Variants in ULBP3 observed in about 807,000 individuals in gnomAD.
ULBP3 encodes UL16 binding protein 3, also known as UL16-binding protein 3.
A neutral mutation model predicts 24.9 loss-of-function variants in ULBP3; 25 were observed. That is an observed-to-expected ratio of 1.00 (90% CI 0.73 to 1.40). The LOEUF is 1.40. Ranked by LOEUF, ULBP3 falls within the 40% of genes most tolerant of loss-of-function variation. The probability of loss-of-function intolerance (pLI) is 0.00; values close to 1 mark genes in which losing one functional copy is unlikely to be tolerated. For missense variants in ULBP3, 306 were observed against 307.5 expected, an observed-to-expected ratio of 1.00 and a Z score of 0.04; for synonymous variants, 114 against 114.7, an observed-to-expected ratio of 0.99 and a Z score of 0.04.
At position 150,065,542 on chromosome 6, in the gene ULBP3, C is replaced by A; in HGVS notation, c.484G>T (p.Val162Phe). ...TTCATCCGCCTGGCTCCAGCGTGAA[C>A]CACTGTCCACTTTCTGTTGTTTGAG... ...FDSNNRKWTV[V>F]HAGARRMKEK... The change falls in exon 3 of 5, where the codon GTT (valine) becomes TTT (phenylalanine). Residue 162 changes from valine (V) to phenylalanine (F), a missense_variant. By Grantham distance (50) the Val-to-Phe change is conservative. Coordinates refer to ENST00000367339, the MANE Select transcript of ULBP3 (RefSeq NM_024518.3). 1 of 1,614,208 alleles carries A rather than the reference C, an allele frequency of 6.2e-7. No individual in the cohort carries two copies. Among genetic ancestry groups the A allele is most frequent in the African/African-American group, 1.3e-5 (1 of 75,052 alleles).
At chr6:150,063,539 A>G (rs936179733) in intron 4 of ULBP3, among the ~76,000 whole-genome samples, 188 bp from the exon 5 acceptor site, 1 of 152,122 alleles carries the variant, frequency 6.6e-6, no homozygotes, top group Non-Finnish European at 1.5e-5. Flanking sequence ...CACACCACAG[A>G]GGCAGCCCAG....
At position 150,065,846 on chromosome 6, in the gene ULBP3, C is replaced by T. The variant is rs76525926; in HGVS notation, c.352+53G>A. 2,551 of 1,603,656 alleles carry T rather than the reference C, an allele frequency of 1.6e-3. 36 individuals carry two copies. In the African/African-American group the frequency reaches 0.029, roughly 18 times the overall value. On this transcript the variant is annotated intron_variant, in intron 2 of 4. Coordinates refer to ENST00000367339, the MANE Select transcript of ULBP3 (RefSeq NM_024518.3). ...TAATTTCTTCTCCCCACACACAGAACAGCCCCTGAGCCCACAGTCTGCTCC... is the reference window on the plus strand; with the variant it reads ...TAATTTCTTCTCCCCACACACAGAATAGCCCCTGAGCCCACAGTCTGCTCC...
intron 1 of ULBP3, 62 bp downstream of exon 1, chr6:150,068,917 C>G (rs1022822417): frequency 2.0e-6 from 3 of 1,493,406 alleles, no homozygotes; most frequent in Non-Finnish European, 2.7e-6. Context: ...CTGAAACCCG[C>G]TGCAGTCCAC....
intron 4 of ULBP3, among the ~76,000 whole-genome samples, chr6:150,063,975 A>G (rs1776309540): frequency 6.6e-6 from 1 of 152,162 alleles, no homozygotes; most frequent in Non-Finnish European, 1.5e-5. Context: ...CAGGAATCCC[A>G]TGGGTCCAAG....
At position 150,061,968 on chromosome 6, in the gene ULBP3, T is replaced by C. The variant is rs1472918020; in HGVS notation, c.*1406A>G. Among the ~76,000 whole-genome samples, 2 of 152,254 alleles carry C rather than the reference T, an allele frequency of 1.3e-5. No individual in the cohort carries two copies. Among genetic ancestry groups the C allele is most frequent in the African/African-American group, 4.8e-5 (2 of 41,470 alleles). On this transcript the variant is annotated 3_prime_UTR_variant, in exon 5 of 5. Coordinates refer to ENST00000367339, the MANE Select transcript of ULBP3 (RefSeq NM_024518.3). ...TCATTGCAGTTTTGATTTGCACTTA[T>C]CTGATGATTAGTGATATTGAGCATT...
intron 4 of ULBP3, 125 bp from the exon 5 acceptor site, chr6:150,063,476 C>A: frequency 2.4e-6 from 1 of 408,208 alleles, no homozygotes; most frequent in Non-Finnish European, 3.3e-6. Flanking sequence ...ATGTTTTTCC[C>A]TCCAACCCTA....
In ULBP3 at chr6:150,064,730, A is replaced by G; in HGVS notation, c.629-17T>C. On this transcript the variant is annotated splice_polypyrimidine_tract_variant and intron_variant, in intron 3 of 4. Coordinates refer to ENST00000367339, the MANE Select transcript of ULBP3 (RefSeq NM_024518.3). Reference sequence around the variant, plus strand: ...TGGGTGGTGCTGAAAGGGAAACACAAAAGTGACAACTCTTGTCCACGCTCC... The same window carrying G: ...TGGGTGGTGCTGAAAGGGAAACACAGAAGTGACAACTCTTGTCCACGCTCC... 1 of 1,613,110 alleles carries G rather than the reference A, an allele frequency of 6.2e-7. No homozygotes were observed. The highest frequency in any genetic ancestry group is 8.5e-7 in the Non-Finnish European group (1 of 1,179,268).
At chr6:150,065,196 G>A (rs1204996224) in intron 3 of ULBP3, among the ~76,000 whole-genome samples, 1 of 151,950 alleles carries the variant, frequency 6.6e-6, no homozygotes, top group Admixed American at 6.5e-5. Flanking sequence ...TCAGGAGGGA[G>A]AGCATAGGCA....
Position 150,065,885 on chromosome 6 carries a change from T to C in ULBP3, c.352+14A>G. On this transcript the variant is annotated intron_variant, in intron 2 of 4. Transcript: ENST00000367339. Reference sequence around the variant, plus strand: ...ACAGTCTGCTCCCTTCTGTCCTTGGTCTCTTTCACTCACCACTGGGTGTGA... The same window carrying C: ...ACAGTCTGCTCCCTTCTGTCCTTGGCCTCTTTCACTCACCACTGGGTGTGA... 6.2e-7 allele frequency: 1 copy of C among 1,611,038 alleles called. No individual in the cohort carries two copies. Among genetic ancestry groups the C allele is most frequent in the East Asian group, 2.2e-5 (1 of 44,882 alleles).
At chr6:150,066,703 T>C (rs1031601892) in intron 1 of ULBP3, among the ~76,000 whole-genome samples, 1 of 152,144 alleles carries the variant, frequency 6.6e-6, no homozygotes, top group Non-Finnish European at 1.5e-5. Context: ...AACAAAATAC[T>C]AAGAGAAGTG....
chr6:150,066,200 G>A (rs772718043), intron 1 of ULBP3, 38 bp from the exon 2 acceptor site: 2 of 1,598,152 alleles, frequency 1.3e-6, no homozygotes, highest in South Asian at 1.1e-5. Flanking sequence ...GAGTGTTGGG[G>A]TGGGGGAAAG....
chr6:150,067,196 T>A (rs1244257857), intron 1 of ULBP3, among the ~76,000 whole-genome samples: 1 of 152,052 alleles, frequency 6.6e-6, no homozygotes, highest in Non-Finnish European at 1.5e-5. Flanking sequence ...CCCCGGGAAA[T>A]AACTGAGCTC....
chr6:150,066,248 G>A, intron 1 of ULBP3, 86 bp from the exon 2 acceptor site: 2 of 1,437,852 alleles, frequency 1.4e-6, no homozygotes, highest in East Asian at 2.3e-5. Flanking sequence ...TTTCCTGAAG[G>A]GCTGGGCTGG....
At chr6:150,067,675 A>G (rs1057371091) in intron 1 of ULBP3, among the ~76,000 whole-genome samples, 17 of 152,200 alleles carry the variant, frequency 1.1e-4, no homozygotes, top group African/African-American at 3.9e-4. Context: ...CTCTGCTCTT[A>G]TAGCTGGGAT....
chr6:150,067,783 G>A (rs965312788), intron 1 of ULBP3, among the ~76,000 whole-genome samples: 7 of 152,188 alleles, frequency 4.6e-5, no homozygotes, highest in Non-Finnish European at 5.9e-5. Flanking sequence ...TGTGTGGTTG[G>A]AAAAGGTGCT....
chr6:150,066,274 T>C (rs1038865244), intron 1 of ULBP3, 112 bp from the exon 2 acceptor site: 1 of 1,257,922 alleles, frequency 7.9e-7, no homozygotes, highest in Non-Finnish European at 1.1e-6. Flanking sequence ...CATGGATTTC[T>C]CTTCCTGGAC....
chr6:150,068,900 C>T (rs1052883857), intron 1 of ULBP3, 79 bp downstream of exon 1: 1 of 1,420,746 alleles, frequency 7.0e-7, no homozygotes. Flanking sequence ...TAGAAGGCTT[C>T]CCTCCTCTGA....
At chr6:150,065,703 G>A (rs1433574686) in intron 2 of ULBP3, 30 bp from the exon 3 acceptor site, 2 of 1,610,814 alleles carry the variant, frequency 1.2e-6, no homozygotes, top group Non-Finnish European at 1.7e-6. Flanking sequence ...ATCAGCCCTG[G>A]TGTTTACAAA....
At position 150,067,093 on chromosome 6, in the gene ULBP3, G is replaced by C. The variant is rs555252826; in HGVS notation, c.89-931C>G. Among the ~76,000 whole-genome samples, 4 of 152,236 alleles carry C rather than the reference G, an allele frequency of 2.6e-5. No individual in the cohort carries two copies. In the South Asian group the frequency reaches 8.3e-4, roughly 32 times the overall value. On this transcript the variant is annotated intron_variant, in intron 1 of 4. Transcript: ENST00000367339. ...GAACAAAAGGGTCCAAGATCCAAAA[G>C]AGATGGAGACTCCACCCGGATACTA...
Sources: gnomAD v4.1 joint callset for allele counts (sites outside exome capture counted in the v4.1 genomes callset) on GRCh38, gnomAD v4.1.1 for gene constraint, MANE v1.5 for transcripts, NCBI Gene and HGNC (gene_info 2026-07-23, HGNC 2026-07-21) for gene names.